The following LRBA variants were observed in gnomAD, a reference collection of about 807,000 sequenced individuals.
The protein encoded by LRBA is LPS responsive beige-like anchor protein.
Under a neutral mutation model 330.0 loss-of-function variants are expected in LRBA, and 176 were observed. The ratio of observed to expected loss-of-function variants is 0.53; its 90% CI spans 0.47 to 0.60. The LOEUF (loss-of-function observed/expected upper bound fraction) is 0.60, where lower values mean the gene tolerates loss of function less well. Among genes scored for constraint, LRBA ranks in the 20% least tolerant of loss-of-function variants. The pLI, the probability that LRBA is intolerant of heterozygous loss-of-function variation, is 0.00. For synonymous variants in LRBA, 1,230 were observed against 1,193.0 expected (o/e 1.03, Z -0.64); for missense variants, 3,259 against 3,444.8 (o/e 0.95, Z 1.35).
intron 36 of LRBA, among the ~76,000 whole-genome samples, chr4:150,722,800 C>T (rs1160223321): frequency 4.6e-5 from 7 of 151,896 alleles, no homozygotes; most frequent in Non-Finnish European, 2.9e-5. Flanking sequence ...TGGAAAGAGG[C>T]ATTGAGGGGG....
Position 150,996,756 on chromosome 4 carries a change from C to G in LRBA, c.216+17671G>C, listed in dbSNP as rs74849737. On this transcript the variant is annotated intron_variant, in intron 2 of 56. Coordinates refer to ENST00000651943, the MANE Select transcript of LRBA (RefSeq NM_001364905.1). ...CAAGAACACAACTTATATTAATAAT[C>G]ACACAGTATAACATGGTACACACAA... 3.4e-3 allele frequency among the ~76,000 whole-genome samples: 511 copies of G among 152,220 alleles called. 25 individuals carry two copies. The East Asian group carries it at 0.091, about 27-fold the overall frequency.
intron 2 of LRBA, among the ~76,000 whole-genome samples, chr4:150,994,249 A>G (rs150725843): frequency 1.3e-5 from 2 of 152,132 alleles, no homozygotes; most frequent in Admixed American, 1.3e-4. Flanking sequence ...AGTGTTGAGG[A>G]GAACAGGGTG....
intron 40 of LRBA, among the ~76,000 whole-genome samples, chr4:150,550,486 T>C (rs929608140): frequency 3.3e-5 from 5 of 152,200 alleles, no homozygotes; most frequent in African/African-American, 9.6e-5. Context: ...TGAGAGCCCA[T>C]TAAAATTAAG....
intron 36 of LRBA, chr4:150,721,239 CT>C: frequency 4.9e-6 from 2 of 409,592 alleles, no homozygotes; most frequent in Non-Finnish European, 4.7e-6. Flanking sequence ...TTCTACTTTT[CT>C]TTTTCACTTT....
intron 36 of LRBA, among the ~76,000 whole-genome samples, chr4:150,704,220 A>G (rs546820468): frequency 6.6e-6 from 1 of 152,164 alleles, no homozygotes; most frequent in Admixed American, 6.5e-5. Context: ...ACTCAAAACA[A>G]TTATGTGTGT....
intron 54 of LRBA, among the ~76,000 whole-genome samples, chr4:150,285,210 G>A (rs915507999): frequency 1.3e-5 from 2 of 152,188 alleles, no homozygotes; most frequent in Non-Finnish European, 2.9e-5. Context: ...CCCAAAAGAT[G>A]TGAGATATAA....
intron 40 of LRBA, among the ~76,000 whole-genome samples, chr4:150,558,991 A>G (rs1475020867): frequency 6.6e-6 from 1 of 152,186 alleles, no homozygotes; most frequent in Non-Finnish European, 1.5e-5. Flanking sequence ...TGATCAAAAT[A>G]TCACCATTGA....
intron 17 of LRBA, among the ~76,000 whole-genome samples, chr4:150,888,830 A>G (rs976917164): frequency 1.3e-5 from 2 of 152,218 alleles, no homozygotes; most frequent in African/African-American, 4.8e-5. Flanking sequence ...ACTGTAAAAA[A>G]CCTGACTTTG....
intron 28 of LRBA, among the ~76,000 whole-genome samples, chr4:150,833,051 T>C (rs370410123): frequency 3.9e-5 from 6 of 152,088 alleles, no homozygotes; most frequent in East Asian, 1.9e-4. Flanking sequence ...ACTGGGATTA[T>C]AGGTGTGAGC....
intron 4 of LRBA, among the ~76,000 whole-genome samples, chr4:150,922,556 G>T (rs1579213177): frequency 6.6e-6 from 1 of 152,162 alleles, no homozygotes; most frequent in African/African-American, 2.4e-5. Context: ...TGATATGTGG[G>T]AGCTAAGCTA....
chr4:150,489,490 AATATATT>A (rs1187828926), intron 41 of LRBA, among the ~76,000 whole-genome samples: 9 of 73,170 alleles, frequency 1.2e-4, no homozygotes, highest in African/African-American at 3.7e-4. Context: ...AAGAATATAT[AATATATT>A]ATATATAAGA....
intron 53 of LRBA, among the ~76,000 whole-genome samples, chr4:150,292,513 CTATTCCTAG>C (rs1172849848): frequency 6.6e-6 from 1 of 152,154 alleles, no homozygotes; most frequent in Non-Finnish European, 1.5e-5. Context: ...AAACATTTTC[CTATTCCTAG>C]TTTTGTACAA....
chr4:150,309,220 G>A (rs1580971646), intron 52 of LRBA, among the ~76,000 whole-genome samples: 2 of 152,000 alleles, frequency 1.3e-5, no homozygotes, highest in South Asian at 2.1e-4. Flanking sequence ...GATACTTACC[G>A]TTGTGTTATA....
chr4:150,984,451 G>A (rs1741205950), intron 2 of LRBA, among the ~76,000 whole-genome samples: 3 of 152,132 alleles, frequency 2.0e-5, no homozygotes, highest in Admixed American at 2.0e-4. Flanking sequence ...GGAGGTTGTG[G>A]TGAGTGGAGA....
chr4:150,983,284 C>T (rs1304056213), intron 2 of LRBA, among the ~76,000 whole-genome samples: 3 of 151,772 alleles, frequency 2.0e-5, no homozygotes, highest in Non-Finnish European at 2.9e-5. Flanking sequence ...TGGCAAAAAC[C>T]ATCTCTACAA....
chr4:150,433,451 G>C (rs1329712196), intron 46 of LRBA, among the ~76,000 whole-genome samples: 3 of 152,110 alleles, frequency 2.0e-5, no homozygotes, highest in African/African-American at 4.8e-5. Context: ...AGTACAGATA[G>C]AGGCAGAAAG....
chr4:150,817,439 T>C (rs1744768531), intron 30 of LRBA, among the ~76,000 whole-genome samples, 182 bp from the exon 31 acceptor site: 1 of 152,088 alleles, frequency 6.6e-6, no homozygotes. Context: ...TCCATATTTA[T>C]CTGCATTTCA....
At chr4:150,492,593 C>T (rs1581477745) in intron 40 of LRBA, among the ~76,000 whole-genome samples, 1 of 152,112 alleles carries the variant, frequency 6.6e-6, no homozygotes, top group African/African-American at 2.4e-5. Context: ...CTGAAGTCTA[C>T]CATGACCAGA....
Position 150,996,135 on chromosome 4 carries a change from C to A in LRBA, c.216+18292G>T, listed in dbSNP as rs145642464. Reference sequence around the variant, plus strand: ...AAGTAGGAGACATTTCAAACTTGGGCATTAATTGGTAATCAGGACATCCTC... The same window carrying A: ...AAGTAGGAGACATTTCAAACTTGGGAATTAATTGGTAATCAGGACATCCTC... On this transcript the variant is annotated intron_variant, in intron 2 of 56. Coordinates refer to ENST00000651943, the MANE Select transcript of LRBA (RefSeq NM_001364905.1). Among the ~76,000 whole-genome samples the A allele has an allele frequency of 2.7e-4, 41 of 150,700 alleles. No individual in the cohort carries two copies. In the East Asian group the frequency reaches 4.5e-3, roughly 16 times the overall value.
Sources: allele counts gnomAD v4.1 joint callset (sites outside exome capture counted in the v4.1 genomes callset), GRCh38; gene constraint gnomAD v4.1.1; transcripts MANE v1.5; gene names NCBI Gene and HGNC (gene_info 2026-07-23, HGNC 2026-07-21).